USP32: variants seen among roughly 807,000 people sequenced by gnomAD.
The protein encoded by USP32 is ubiquitin carboxyl-terminal hydrolase 32.
A neutral mutation model predicts 204.8 loss-of-function variants in USP32; 59 were observed. The observed-to-expected ratio is 0.29, with a 90% CI of 0.23 to 0.36. The LOEUF is 0.36. Ranked by LOEUF, USP32 falls within the 10% of genes least tolerant of loss-of-function variation. The probability of loss-of-function intolerance (pLI) is 1.00; values close to 1 mark genes in which losing one functional copy is unlikely to be tolerated. For missense variants in USP32, 1,160 were observed against 1,946.4 expected (o/e 0.60, Z 7.60); for synonymous variants, 517 against 678.4 (o/e 0.76, Z 3.70).
chr17:60,395,014 G>A (rs1468858862), upstream of USP32, among the ~76,000 whole-genome samples: 1 of 152,190 alleles, frequency 6.6e-6, no homozygotes, highest in Non-Finnish European at 1.5e-5. Context: ...AAAGTACTGG[G>A]ATTAGAGGCA....
At position 60,265,947 on chromosome 17, in the gene USP32, G is replaced by A. The variant is rs368774578; in HGVS notation, c.927+29C>T. The A allele has an allele frequency of 8.5e-6, 13 of 1,524,384 alleles. No individual in the cohort carries two copies. The Admixed American group carries it at 9.2e-5, about 11-fold the overall frequency. 94.4% of individuals were successfully genotyped at this position (1,524,384 alleles called of 1,614,324 possible). On this transcript the variant is annotated intron_variant, in intron 8 of 33. Transcript: ENST00000300896. Reference sequence around the variant, plus strand: ...CCAATTTCCCATTGGAAGTTTATACGCAACAAGACATACACAATCATAACT... The same window carrying A: ...CCAATTTCCCATTGGAAGTTTATACACAACAAGACATACACAATCATAACT...
At chr17:60,366,566 C>T (rs1240837115) in intron 1 of USP32, among the ~76,000 whole-genome samples, 2 of 151,826 alleles carry the variant, frequency 1.3e-5, no homozygotes, top group African/African-American at 2.4e-5. Context: ...GCACCCAGCC[C>T]GCCATTTTTT....
In USP32 at chr17:60,344,507, T is replaced by C. The variant is rs559693865; in HGVS notation, c.186+974A>G. Among the ~76,000 whole-genome samples the C allele has an allele frequency of 7.2e-5, 11 of 152,294 alleles. No homozygotes were observed. In the East Asian group the frequency reaches 2.1e-3, roughly 29 times the overall value. On this transcript the variant is annotated intron_variant, in intron 2 of 33. Transcript: ENST00000300896. Reference sequence around the variant, plus strand: ...CACTGTCACCCAGGCTGGAGTGCAGTGGTGCAATCATAGCTCACTCTAGCC... The same window carrying C: ...CACTGTCACCCAGGCTGGAGTGCAGCGGTGCAATCATAGCTCACTCTAGCC...
At chr17:60,231,242 T>C (rs1246846069) in intron 12 of USP32, among the ~76,000 whole-genome samples, 1 of 152,196 alleles carries the variant, frequency 6.6e-6, no homozygotes, top group African/African-American at 2.4e-5. Flanking sequence ...GCCCTGTACA[T>C]AGGTATGTTA....
At chr17:60,246,996 T>A (rs1273605210) in intron 11 of USP32, among the ~76,000 whole-genome samples, 2 of 152,238 alleles carry the variant, frequency 1.3e-5, no homozygotes, top group Non-Finnish European at 2.9e-5. Context: ...CTCTTCACTC[T>A]GTTGACTGTT....
intron 28 of USP32, 144 bp from the exon 29 acceptor site, chr17:60,190,827 G>C: frequency 8.7e-7 from 1 of 1,146,250 alleles, no homozygotes; most frequent in Non-Finnish European, 1.2e-6. Context: ...TTCAGACTCT[G>C]ATAAATGTAG....
intron 1 of USP32, among the ~76,000 whole-genome samples, chr17:60,369,336 AT>A (rs2089391899): frequency 6.6e-6 from 1 of 150,794 alleles, no homozygotes; most frequent in African/African-American, 2.4e-5. Flanking sequence ...TCTGCCTGTA[AT>A]CCCAGCTACT....
At chr17:60,233,477 CA>C (rs1428112198) in intron 12 of USP32, among the ~76,000 whole-genome samples, 1 of 152,068 alleles carries the variant, frequency 6.6e-6, no homozygotes, top group Non-Finnish European at 1.5e-5. Context: ...AAGCAAACAA[CA>C]ACAACAAAAC....
At chr17:60,265,049 T>C (rs1425394757) in intron 9 of USP32, among the ~76,000 whole-genome samples, 1 of 152,152 alleles carries the variant, frequency 6.6e-6, no homozygotes, top group African/African-American at 2.4e-5. Flanking sequence ...TTCATATAAA[T>C]GGAATCATAC....
intron 1 of USP32, among the ~76,000 whole-genome samples, chr17:60,365,997 G>T (rs2089304221): frequency 6.6e-6 from 1 of 152,140 alleles, no homozygotes; most frequent in African/African-American, 2.4e-5. Flanking sequence ...TGTTTTTTGA[G>T]ACGGAGTTTC....
rs184245581 is a variant in USP32, at chr17:60,325,684, T to C, written c.186+19797A>G. Among the ~76,000 whole-genome samples the C allele has an allele frequency of 2.2e-3, 332 of 152,216 alleles. 4 individuals are homozygous for C. The highest frequency in any genetic ancestry group is 7.5e-3 in the African/African-American group (313 of 41,534). The stretch of plus-strand genomic sequence containing the variant: ...GCTCACACCTATAACCCCAGCACTT[T>C]TGGAAGTTGAGGCTGGCAGATCGCT... On this transcript the variant is annotated intron_variant, in intron 2 of 33. Transcript: ENST00000300896.
At chr17:60,418,396 GTTTT>G (rs569143215) in intron 1 of USP32, among the ~76,000 whole-genome samples, 2 of 118,424 alleles carry the variant, frequency 1.7e-5, no homozygotes, top group East Asian at 2.6e-4. Context: ...CCTGGCCTCT[GTTTT>G]TTTTTTTTTT....
At position 60,257,549 on chromosome 17, in the gene USP32, G is replaced by C. The variant is rs563777433; in HGVS notation, c.991-2291C>G. 5.2e-4 allele frequency among the ~76,000 whole-genome samples: 79 copies of C among 152,240 alleles called. 2 individuals carry two copies. In the South Asian group the frequency reaches 0.012, roughly 24 times the overall value. On this transcript the variant is annotated intron_variant, in intron 9 of 33. Coordinates refer to ENST00000300896, the MANE Select transcript of USP32 (RefSeq NM_032582.4). The stretch of plus-strand genomic sequence containing the variant: ...CTATCACCCAGGCTGGAGTGCAGTG[G>C]TGTGATCACAGCTCACTGCAGTCCC...
At chr17:60,385,851 A>C (rs1031009158) in intron 1 of USP32, among the ~76,000 whole-genome samples, 1 of 151,718 alleles carries the variant, frequency 6.6e-6, no homozygotes, top group African/African-American at 2.4e-5. Flanking sequence ...AAAAAAAAAA[A>C]GAAAAAGATA....
At position 60,301,687 on chromosome 17, in the gene USP32, A is replaced by G. The variant is rs180709456; in HGVS notation, c.204T>C (p.Phe68=). The part of the protein sequence containing the change: ...PKVAEVIYCS[F]GGTSKGLHFN... ...AGTGCAGCCCTTTGGATGTTCCACC[A>G]AAAGAACAGTAAATCACCTGGAAAA... Residue 68 remains phenylalanine, a synonymous_variant, in exon 3 of 34, where the codon TTT becomes TTC. Transcript: ENST00000300896. 425 of 1,600,120 alleles carry G rather than the reference A, an allele frequency of 2.7e-4. No homozygotes were observed. Among genetic ancestry groups the G allele is most frequent in the Non-Finnish European group, 3.4e-4 (404 of 1,176,334 alleles).
rs747181082 is a variant in USP32, at chr17:60,190,578, T to C, written c.3627A>G (p.Gln1209=). 6.3e-7 allele frequency: 1 copy of C among 1,586,240 alleles called. No homozygotes were observed. Among genetic ancestry groups the C allele is most frequent in the South Asian group, 1.2e-5 (1 of 84,602 alleles). ...AAATACTTACCCTTTCCTGGGATGT[T>C]TGATAGCGAAGGTGAAGGGCTGTGG... ...WDPTALHLRY[Q]TSQERVVDEH... is the part of the protein sequence containing the mutation. The change falls in exon 29 of 34, where the codon CAA becomes CAG. Residue 1209 remains glutamine (Q), a synonymous_variant. Transcript: ENST00000300896.
chr17:60,206,237 A>G (rs1406447840), intron 25 of USP32, among the ~76,000 whole-genome samples: 3 of 145,508 alleles, frequency 2.1e-5, no homozygotes, highest in Admixed American at 6.7e-5. Flanking sequence ...GGATTGCTTC[A>G]GCCCATAAGG....
chr17:60,278,142 G>A (rs892587741), intron 5 of USP32, among the ~76,000 whole-genome samples: 7 of 151,980 alleles, frequency 4.6e-5, no homozygotes, highest in African/African-American at 7.3e-5. Flanking sequence ...GGACTCAAGT[G>A]AGCCTCCTAC....
At chr17:60,240,746 G>C (rs2085856623) in intron 11 of USP32, among the ~76,000 whole-genome samples, 1 of 152,068 alleles carries the variant, frequency 6.6e-6, no homozygotes, top group Non-Finnish European at 1.5e-5. Context: ...GTGTGCTTTT[G>C]GGTACTTTAA....
Sources: allele counts gnomAD v4.1 joint callset (sites outside exome capture counted in the v4.1 genomes callset), GRCh38; gene constraint gnomAD v4.1.1; transcripts MANE v1.5; gene names NCBI Gene and HGNC (gene_info 2026-07-23, HGNC 2026-07-21).